RBFOX1: variants seen among roughly 807,000 people sequenced by gnomAD.
RBFOX1 encodes the protein RNA binding fox-1 homolog 1.
In RBFOX1, 8 loss-of-function variants were observed where a neutral mutation model predicts 57.7. That is an observed-to-expected ratio of 0.14 (90% CI 0.08 to 0.25). The LOEUF (loss-of-function observed/expected upper bound fraction) is 0.25. RBFOX1 is among the 10% of genes least tolerant of loss of function. The pLI is 1.00. For synonymous variants in RBFOX1, 326 were observed against 222.4 expected, an observed-to-expected ratio of 1.47 and a Z score of -4.15; for missense variants, 611 against 548.5, an observed-to-expected ratio of 1.11 and a Z score of -1.14.
chr16:6,137,845 A>G (rs920045531), intron 1 of RBFOX1, among the ~76,000 whole-genome samples: 45 of 152,214 alleles, frequency 3.0e-4, no homozygotes, highest in Non-Finnish European at 5.6e-4. Flanking sequence ...CCGGGGCTCC[A>G]GTAATCCTCC....
chr16:7,632,687 T>C (rs542167715), intron 11 of RBFOX1, among the ~76,000 whole-genome samples: 1 of 151,876 alleles, frequency 6.6e-6, no homozygotes, highest in Non-Finnish European at 1.5e-5. Context: ...TCCTAGAGTA[T>C]TATTTTTTTC....
At chr16:6,731,716 T>C (rs1180695417) in intron 3 of RBFOX1, among the ~76,000 whole-genome samples, 1 of 152,150 alleles carries the variant, frequency 6.6e-6, no homozygotes, top group African/African-American at 2.4e-5. Context: ...AGGCTCATTG[T>C]ATATCTGGCT....
intron 3 of RBFOX1, among the ~76,000 whole-genome samples, chr16:5,637,725 A>C (rs1322689421): frequency 6.6e-6 from 1 of 152,186 alleles, no homozygotes; most frequent in East Asian, 1.9e-4. Flanking sequence ...AGGGTGGAAC[A>C]GGAGATGTGT....
chr16:5,789,185 A>G (rs999988921), intron 3 of RBFOX1, among the ~76,000 whole-genome samples: 9 of 152,346 alleles, frequency 5.9e-5, no homozygotes, highest in African/African-American at 2.2e-4. Flanking sequence ...CAGCTGGTGA[A>G]TTGAAGCATT....
chr16:6,386,877 C>T (rs1328436251), intron 2 of RBFOX1, among the ~76,000 whole-genome samples: 3 of 151,904 alleles, frequency 2.0e-5, no homozygotes, highest in Non-Finnish European at 2.9e-5. Flanking sequence ...GTGAGAAAGG[C>T]GGAGAGCTGG....
intron 2 of RBFOX1, among the ~76,000 whole-genome samples, chr16:6,545,725 G>A (rs148597505): frequency 2.4e-3 from 367 of 152,290 alleles, no homozygotes; most frequent in Non-Finnish European, 3.9e-3. Flanking sequence ...TTCAAACTAC[G>A]AAGGGCTTAT....
chr16:6,715,076 A>T (rs569552684), intron 3 of RBFOX1, among the ~76,000 whole-genome samples: 1 of 152,122 alleles, frequency 6.6e-6, no homozygotes, highest in Non-Finnish European at 1.5e-5. Flanking sequence ...CTTCTCCTAA[A>T]GTCTGTGTGC....
intron 3 of RBFOX1, among the ~76,000 whole-genome samples, chr16:6,988,736 T>TTTTTTTTTTTTTTTG (rs1234957014): frequency 2.7e-5 from 2 of 75,304 alleles, no homozygotes; most frequent in African/African-American, 1.7e-4. Flanking sequence ...AGCTAATTTT[T>TTTTTTTTTTTTTTTG]TTTTTTGTTT....
At chr16:5,499,579 A>G (rs541342015) in intron 2 of RBFOX1, among the ~76,000 whole-genome samples, 1 of 148,382 alleles carries the variant, frequency 6.7e-6, no homozygotes, top group Admixed American at 6.7e-5. Context: ...TTTTTTTTAA[A>G]TTTTTTTTTT....
intron 3 of RBFOX1, among the ~76,000 whole-genome samples, chr16:7,027,364 T>A (rs1338566793): frequency 1.3e-5 from 2 of 152,324 alleles, no homozygotes; most frequent in East Asian, 3.9e-4. Flanking sequence ...TTAAAGTATT[T>A]TTTAGATATA....
chr16:6,374,537 A>T (rs1179134250), intron 2 of RBFOX1, among the ~76,000 whole-genome samples: 2 of 152,180 alleles, frequency 1.3e-5, no homozygotes, highest in East Asian at 3.8e-4. Context: ...TCTTTAGAGA[A>T]AATTTTCGTA....
chr16:6,075,982 T>C (rs11640663), intron 1 of RBFOX1, among the ~76,000 whole-genome samples: 59,652 of 151,988 alleles, frequency 0.39, 12,825 homozygotes, highest in Non-Finnish European at 0.51. Flanking sequence ...AGGCTTATCT[T>C]CTGTAAAGAA....
At chr16:6,933,232 T>C (rs1234792291) in intron 3 of RBFOX1, among the ~76,000 whole-genome samples, 3 of 152,328 alleles carry the variant, frequency 2.0e-5, no homozygotes, top group African/African-American at 7.2e-5. Context: ...AGTCCCTGCT[T>C]TCAGTTGTCT....
At chr16:7,534,847 G>A (rs374918037) in intron 5 of RBFOX1, among the ~76,000 whole-genome samples, 7 of 152,188 alleles carry the variant, frequency 4.6e-5, no homozygotes, top group East Asian at 1.9e-4. Flanking sequence ...GACTTGCCCC[G>A]CTATGTGTGT....
intron 3 of RBFOX1, among the ~76,000 whole-genome samples, chr16:5,706,687 A>G (rs1294916371): frequency 6.6e-6 from 1 of 152,174 alleles, no homozygotes; most frequent in African/African-American, 2.4e-5. Context: ...TGTCTTTCCT[A>G]AAGCACTGGT....
At chr16:5,993,737 G>C (rs1308794560) in intron 4 of RBFOX1, among the ~76,000 whole-genome samples, 1 of 152,172 alleles carries the variant, frequency 6.6e-6, no homozygotes, top group Non-Finnish European at 1.5e-5. Flanking sequence ...TGGGTGGGAT[G>C]ATGTATCGCT....
chr16:6,740,143 A>G (rs2071615233), intron 3 of RBFOX1, among the ~76,000 whole-genome samples: 1 of 152,360 alleles, frequency 6.6e-6, no homozygotes, highest in South Asian at 2.1e-4. Context: ...TATTCACTAT[A>G]CCGATAGGTT....
intron 4 of RBFOX1, among the ~76,000 whole-genome samples, chr16:5,990,938 A>C (rs2060382387): frequency 1.3e-5 from 2 of 152,166 alleles, no homozygotes; most frequent in Non-Finnish European, 2.9e-5. Context: ...CACACCACTG[A>C]ACTCCAGCCT....
intron 2 of RBFOX1, among the ~76,000 whole-genome samples, chr16:5,590,046 T>TACACACACACAC (rs148421648): frequency 1.4e-5 from 2 of 142,886 alleles, no homozygotes; most frequent in Admixed American, 6.8e-5. Context: ...GTCTGCGTGT[T>TACACACACACAC]ACACACACAC....
Sources: allele counts gnomAD v4.1 joint callset (sites outside exome capture counted in the v4.1 genomes callset), GRCh38; gene constraint gnomAD v4.1.1; transcripts MANE v1.5; gene names NCBI Gene and HGNC (gene_info 2026-07-23, HGNC 2026-07-21).